The following ADARB2 variants were observed in gnomAD, a reference collection of about 807,000 sequenced individuals.
ADARB2 encodes adenosine deaminase RNA specific B2 (inactive).
Under a neutral mutation model 62.2 loss-of-function variants are expected in ADARB2, and 25 were observed. The ratio of observed to expected loss-of-function variants is 0.40; its 90% confidence interval spans 0.29 to 0.56. The LOEUF is 0.56. ADARB2 is among the 20% of genes least tolerant of loss of function. The probability of loss-of-function intolerance (pLI) is 0.43; values close to 1 mark genes in which losing one functional copy is unlikely to be tolerated. For synonymous variants in ADARB2, 572 were observed against 500.8 expected, an observed-to-expected ratio of 1.14 and a Z score of -1.90; for missense variants, 1,071 against 1,077.4, an observed-to-expected ratio of 0.99 and a Z score of 0.08.
rs560687887 is a variant in ADARB2 at position 1,650,678 on chromosome 10, C to T, written c.100+86373G>A. 1.3e-4 allele frequency among the ~76,000 whole-genome samples: 20 copies of T among 152,312 alleles called. 1 individual carries two copies. In the Middle Eastern group the frequency reaches 0.01, roughly 78 times the overall value. On this transcript the variant is annotated intron_variant, in intron 1 of 9. Coordinates refer to ENST00000381312, the MANE Select transcript of ADARB2 (RefSeq NM_018702.4). Reference sequence around the variant, plus strand: ...GGCACATGACTCCACCGACCGTCCACGAGGTCTTTCCTGGAGTGAAGCTTT... The same window carrying T: ...GGCACATGACTCCACCGACCGTCCATGAGGTCTTTCCTGGAGTGAAGCTTT...
At chr10:1,471,116 A>C (rs1240450429) in intron 1 of ADARB2, among the ~76,000 whole-genome samples, 1 of 152,150 alleles carries the variant, frequency 6.6e-6, no homozygotes. Flanking sequence ...CTGGCAACCT[A>C]CTGGAATGAT....
At chr10:1,224,749 T>C (rs1193066171) in intron 6 of ADARB2, among the ~76,000 whole-genome samples, 3 of 151,510 alleles carry the variant, frequency 2.0e-5, no homozygotes, top group South Asian at 2.1e-4. Context: ...AGTGAGTTTC[T>C]TTCTAGTTTG....
chr10:1,671,004 T>C (rs1483154677), intron 1 of ADARB2, among the ~76,000 whole-genome samples: 1 of 152,206 alleles, frequency 6.6e-6, no homozygotes, highest in Non-Finnish European at 1.5e-5. Flanking sequence ...CTTTTCCTGA[T>C]TCTGATTTTT....
In ADARB2 at chr10:1,606,642, C is replaced by T. The variant is rs547646570; in HGVS notation, c.100+130409G>A. 3.3e-5 allele frequency among the ~76,000 whole-genome samples: 5 copies of T among 152,150 alleles called. No individual in the cohort carries two copies. In the East Asian group the frequency reaches 5.8e-4, roughly 18 times the overall value. Reference sequence around the variant, plus strand: ...AGGGAAGGGATGATTTCTTTCTGGCCGGAAGTTCTTTCTCTAAGCAAGCAG... The same window carrying T: ...AGGGAAGGGATGATTTCTTTCTGGCTGGAAGTTCTTTCTCTAAGCAAGCAG... On this transcript the variant is annotated intron_variant, in intron 1 of 9. Transcript: ENST00000381312.
chr10:1,457,735 C>T (rs903498671), intron 1 of ADARB2, among the ~76,000 whole-genome samples: 13 of 152,154 alleles, frequency 8.5e-5, no homozygotes, highest in Non-Finnish European at 1.9e-4. Context: ...TGGTGAACTC[C>T]TAAATCCCTC....
intron 1 of ADARB2, among the ~76,000 whole-genome samples, chr10:1,575,101 T>C (rs1041193437): frequency 3.3e-5 from 5 of 152,224 alleles, no homozygotes; most frequent in African/African-American, 1.2e-4. Flanking sequence ...ATTGGTTTTG[T>C]GGGTGAATTA....
intron 1 of ADARB2, among the ~76,000 whole-genome samples, chr10:1,449,935 G>A (rs1831016704): frequency 6.6e-6 from 1 of 152,248 alleles, no homozygotes; most frequent in Non-Finnish European, 1.5e-5. Context: ...ATGGAGGAGA[G>A]GCCTGCACAG....
At chr10:1,303,276 C>T (rs1429958767) in intron 3 of ADARB2, among the ~76,000 whole-genome samples, 3 of 151,906 alleles carry the variant, frequency 2.0e-5, no homozygotes, top group Admixed American at 6.6e-5. Flanking sequence ...GAAAGGGTAT[C>T]AGCAATGGAA....
At chr10:1,248,706 C>G (rs1831010058) in intron 4 of ADARB2, among the ~76,000 whole-genome samples, 1 of 152,248 alleles carries the variant, frequency 6.6e-6, no homozygotes, top group Non-Finnish European at 1.5e-5. Flanking sequence ...TACATAGTGG[C>G]TATTGGTGAT....
intron 1 of ADARB2, among the ~76,000 whole-genome samples, chr10:1,724,404 G>A (rs546321366): frequency 8.5e-5 from 13 of 152,346 alleles, no homozygotes; most frequent in African/African-American, 3.1e-4. Context: ...TCCCTGAGAG[G>A]TCAGGGCACA....
At position 1,369,457 on chromosome 10, in the gene ADARB2, T is replaced by C. The variant is rs1832345892; in HGVS notation, c.188-5540A>G. On this transcript the variant is annotated intron_variant, in intron 2 of 9. Transcript: ENST00000381312. ...TGTGGAAGTTACCCCCTGGATTGTG[T>C]CCCAAACCCCTCACTCTTTCTCTGT... 2.0e-5 allele frequency among the ~76,000 whole-genome samples: 3 copies of C among 152,040 alleles called. No homozygotes were observed. The South Asian group carries it at 6.2e-4, about 32-fold the overall frequency.
intron 1 of ADARB2, among the ~76,000 whole-genome samples, chr10:1,652,202 G>A (rs1406343539): frequency 6.6e-6 from 1 of 152,196 alleles, no homozygotes; most frequent in East Asian, 1.9e-4. Context: ...CTCACGCCCT[G>A]CAGCACAGCC....
chr10:1,210,037 T>C (rs1460281308), intron 7 of ADARB2, among the ~76,000 whole-genome samples: 1 of 152,228 alleles, frequency 6.6e-6, no homozygotes, highest in East Asian at 1.9e-4. Flanking sequence ...GAAGAAGGTC[T>C]GCTGTCACCC....
At chr10:1,277,923 T>C (rs1044383057) in intron 3 of ADARB2, among the ~76,000 whole-genome samples, 2 of 151,110 alleles carry the variant, frequency 1.3e-5, no homozygotes, top group Non-Finnish European at 2.9e-5. Flanking sequence ...AGTGGGCTTC[T>C]TTCTTTCTGC....
chr10:1,339,777 G>C (rs1832006117), intron 3 of ADARB2, among the ~76,000 whole-genome samples: 1 of 152,210 alleles, frequency 6.6e-6, no homozygotes. Flanking sequence ...ATCGATAGCA[G>C]GTGCCAGCCC....
intron 1 of ADARB2, among the ~76,000 whole-genome samples, chr10:1,467,770 A>G (rs1214936928): frequency 6.6e-6 from 1 of 152,172 alleles, no homozygotes; most frequent in Non-Finnish European, 1.5e-5. Context: ...GGATTGTAAA[A>G]TCCCCTACCA....
At chr10:1,600,381 C>T (rs1254912349) in intron 1 of ADARB2, among the ~76,000 whole-genome samples, 1 of 152,052 alleles carries the variant, frequency 6.6e-6, no homozygotes, top group African/African-American at 2.4e-5. Flanking sequence ...AAGCAGGAGG[C>T]CGGGCACAGT....
At chr10:1,656,722 G>A (rs1834176440) in intron 1 of ADARB2, among the ~76,000 whole-genome samples, 1 of 152,086 alleles carries the variant, frequency 6.6e-6, no homozygotes, top group African/African-American at 2.4e-5. Flanking sequence ...GACTAGAACT[G>A]ACTTCTTTAG....
In ADARB2 at chr10:1,330,581, C is replaced by T. The variant is rs1831919911; in HGVS notation, c.1077+32447G>A. 2.6e-5 allele frequency among the ~76,000 whole-genome samples: 4 copies of T among 152,174 alleles called. No individual in the cohort carries two copies. The South Asian group carries it at 8.3e-4, about 32-fold the overall frequency. On this transcript the variant is annotated intron_variant, in intron 3 of 9. Coordinates refer to ENST00000381312, the MANE Select transcript of ADARB2 (RefSeq NM_018702.4). ...CAGAACTGGGGCAAAGATGTTGGCTCTCACCAGTGCTGATGGTTCTACTCA... is the reference window on the plus strand; with the variant it reads ...CAGAACTGGGGCAAAGATGTTGGCTTTCACCAGTGCTGATGGTTCTACTCA...
Sources: allele counts gnomAD v4.1 joint callset (sites outside exome capture counted in the v4.1 genomes callset), GRCh38; gene constraint gnomAD v4.1.1; transcripts MANE v1.5; gene names NCBI Gene and HGNC (gene_info 2026-07-23, HGNC 2026-07-21).